RFX2: variants seen among roughly 807,000 people sequenced by gnomAD.
RFX2 encodes regulatory factor X2.
RFX2 carries 20 observed loss-of-function variants against 87.8 expected under a neutral mutation model. The ratio of observed to expected loss-of-function variants is 0.23; its 90% confidence interval spans 0.16 to 0.33. RFX2 has a LOEUF of 0.33. RFX2 is among the 10% of genes least tolerant of loss of function. RFX2 has a pLI of 1.00. For synonymous variants in RFX2, 397 were observed against 431.3 expected, an observed-to-expected ratio of 0.92 and a Z score of 0.98; for missense variants, 767 against 1,012.3, an observed-to-expected ratio of 0.76 and a Z score of 3.29.
chr19:6,057,837 C>T (rs1226550360), intron 1 of RFX2, among the ~76,000 whole-genome samples: 1 of 152,150 alleles, frequency 6.6e-6, no homozygotes, highest in Non-Finnish European at 1.5e-5. Flanking sequence ...CATTAGGCTG[C>T]CCAGAAAAGT....
rs892632447 is a variant in RFX2, at chr19:6,017,665, C to T, written c.598-1394G>A. The stretch of plus-strand genomic sequence containing the variant: ...CAGCTGCTTTGTCTAGGCTGAGCCC[C>T]GCTTCCAGAGCTCCGAAGGGCTCCT... On this transcript the variant is annotated intron_variant, in intron 6 of 17. Coordinates refer to ENST00000303657, the MANE Select transcript of RFX2 (RefSeq NM_000635.4). This position sits in a 1 kb window ranked among gnomAD's most constrained non-coding sequence, Gnocchi z 4.1. Among the ~76,000 whole-genome samples the T allele has an allele frequency of 1.3e-5, 2 of 152,166 alleles. No individual in the cohort carries two copies. Among genetic ancestry groups the T allele is most frequent in the African/African-American group, 4.8e-5 (2 of 41,444 alleles).
In RFX2 at chr19:6,004,379, G is replaced by T; in HGVS notation, c.1403-81C>A. 8.6e-7 allele frequency: 1 copy of T among 1,161,518 alleles called. No individual in the cohort carries two copies. Among genetic ancestry groups the T allele is most frequent in the Non-Finnish European group, 1.3e-6 (1 of 770,650 alleles). The allele number at this position is 1,161,518 out of a possible 1,614,324, so 72.0% of individuals were successfully genotyped here. A position where few individuals can be genotyped will look rare whatever the true frequency, so the allele number is the denominator to read the frequency against. On this transcript the variant is annotated intron_variant, in intron 12 of 17. Coordinates refer to ENST00000303657, the MANE Select transcript of RFX2 (RefSeq NM_000635.4). The surrounding 1 kb of genome is among the most constrained non-coding windows in gnomAD (Gnocchi z 4.8). The stretch of plus-strand genomic sequence containing the variant: ...AAATCAGCATTCAGTGTAAGAGCTG[G>T]CCCAAGTGCGATGAAAATGACCACC...
At chr19:6,090,413 G>A (rs1226985814) in intron 1 of RFX2, among the ~76,000 whole-genome samples, 3 of 149,490 alleles carry the variant, frequency 2.0e-5, no homozygotes, top group African/African-American at 7.4e-5. Flanking sequence ...CCAAAGAAGA[G>A]CTATAGACAG....
chr19:6,091,461 A>C (rs2087934135), intron 1 of RFX2, among the ~76,000 whole-genome samples: 1 of 152,052 alleles, frequency 6.6e-6, no homozygotes, highest in Non-Finnish European at 1.5e-5. Context: ...AAAAAAAAAA[A>C]AGGTGAATTG....
At chr19:6,042,246 C>T (rs914940654) in intron 3 of RFX2, 123 bp from the exon 4 acceptor site, 17 of 826,338 alleles carry the variant, frequency 2.1e-5, no homozygotes, top group South Asian at 1.6e-4. Flanking sequence ...ACAATGTTCC[C>T]GCCCACAGTC....
intron 3 of RFX2, among the ~76,000 whole-genome samples, chr19:6,042,960 G>A (rs892395436): frequency 2.6e-5 from 4 of 152,254 alleles, no homozygotes; most frequent in Non-Finnish European, 2.9e-5. Flanking sequence ...GTGTCATGGT[G>A]TCATGGTGAC....
rs2088286358 is a variant in RFX2, at chr19:6,110,329, CG to C, written c.-9+63del. On this transcript the variant is annotated intron_variant, in intron 1 of 17. Transcript: ENST00000303657. This position sits in a 1 kb window ranked among gnomAD's most constrained non-coding sequence, Gnocchi z 4.3. ...TGCTGCCCGCCCCCCGGCCCCCGAACGGGGTCCCCGCCGCCCCCCACACTCC... is the reference window on the plus strand; with the variant it reads ...TGCTGCCCGCCCCCCGGCCCCCGAACGGGTCCCCGCCGCCCCCCACACTCC... The C allele has an allele frequency of 6.7e-6, 1 of 149,432 alleles. No individual in the cohort carries two copies. Among genetic ancestry groups the C allele is most frequent in the Admixed American group, 6.6e-5 (1 of 15,044 alleles). The allele number at this position is 149,432 out of a possible 1,614,324, so 9.3% of individuals were successfully genotyped here.
rs1169561221 is a variant in RFX2 at position 6,024,027 on chromosome 19, G to T, written c.597+2136C>A. ...ACTCCTGACCTCAAGTGGTACACCC[G>T]CCTTGGTCTCCCAAACTGCTGGGAT... On this transcript the variant is annotated intron_variant, in intron 6 of 17. Coordinates refer to ENST00000303657, the MANE Select transcript of RFX2 (RefSeq NM_000635.4). This position sits in a 1 kb window ranked among gnomAD's most constrained non-coding sequence, Gnocchi z 5.0. 6.6e-6 allele frequency among the ~76,000 whole-genome samples: 1 copy of T among 152,126 alleles called. No individual in the cohort carries two copies. The highest frequency in any genetic ancestry group is 2.4e-5 in the African/African-American group (1 of 41,438).
In RFX2 at chr19:6,042,058, G is replaced by A; in HGVS notation, c.246C>T (p.Tyr82=). The change falls in exon 4 of 18, where the codon TAC becomes TAT. Residue 82 remains tyrosine, a synonymous_variant. Coordinates refer to ENST00000303657, the MANE Select transcript of RFX2 (RefSeq NM_000635.4). ...VQYVEGGDAV[Y]TNGAIRTAYT... ...GAAGCACGCACATGGCTCCATTGGTGTAGACGGCGTCTCCCCCTTCCACGT... is the reference window on the plus strand; with the variant it reads ...GAAGCACGCACATGGCTCCATTGGTATAGACGGCGTCTCCCCCTTCCACGT... 1 of 1,613,946 alleles carries A rather than the reference G, an allele frequency of 6.2e-7. No individual in the cohort carries two copies. Among genetic ancestry groups the A allele is most frequent in the South Asian group, 1.1e-5 (1 of 91,090 alleles).
In RFX2 at chr19:6,002,649, C is replaced by T. The variant is rs563373712; in HGVS notation, c.1650+72G>A. 6 of 1,577,724 alleles carry T rather than the reference C, an allele frequency of 3.8e-6. No homozygotes were observed. Among genetic ancestry groups the T allele is most frequent in the South Asian group, 2.3e-5 (2 of 87,960 alleles). ...AGGGGCCAGGTTGTGCCACGGGCTC[C>T]ACTTGGTGGGTTTGCTGGTTTTGCT... On this transcript the variant is annotated intron_variant, in intron 14 of 17. Transcript: ENST00000303657. The surrounding 1 kb of genome is among the most constrained non-coding windows in gnomAD (Gnocchi z 6.7).
At position 5,997,297 on chromosome 19, in the gene RFX2, C is replaced by T; in HGVS notation, c.1860-84G>A. On this transcript the variant is annotated intron_variant, in intron 15 of 17. Coordinates refer to ENST00000303657, the MANE Select transcript of RFX2 (RefSeq NM_000635.4). The surrounding 1 kb of genome is among the most constrained non-coding windows in gnomAD (Gnocchi z 4.2). Reference sequence around the variant, plus strand: ...GGCCAGACTTCATGGCAGCAACACACCCCCTGCTCTACGTTCCCTGGGGAA... The same window carrying T: ...GGCCAGACTTCATGGCAGCAACACATCCCCTGCTCTACGTTCCCTGGGGAA... The T allele has an allele frequency of 3.6e-6, 5 of 1,394,706 alleles. No homozygotes were observed. Among genetic ancestry groups the T allele is most frequent in the Non-Finnish European group, 4.8e-6 (5 of 1,047,134 alleles). The allele number at this position is 1,394,706 out of a possible 1,614,324, so 86.4% of individuals were successfully genotyped here.
chr19:6,076,245 G>A (rs1254055986), intron 1 of RFX2, among the ~76,000 whole-genome samples: 5 of 152,224 alleles, frequency 3.3e-5, no homozygotes, highest in African/African-American at 1.2e-4. Flanking sequence ...TTGGGAGGCT[G>A]AGGCAGGAGA....
chr19:6,066,000 C>T (rs1404399156), intron 1 of RFX2, among the ~76,000 whole-genome samples: 1 of 40,222 alleles, frequency 2.5e-5, no homozygotes, highest in Non-Finnish European at 5.0e-5. Context: ...GGGCTGGGGG[C>T]GGGGCTGGGA....
At chr19:6,106,230 CCCATCCATCCAT>C (rs56665747) in intron 1 of RFX2, among the ~76,000 whole-genome samples, 3 of 149,960 alleles carry the variant, frequency 2.0e-5, no homozygotes, top group Non-Finnish European at 4.4e-5. Flanking sequence ...CATCGGCCTG[CCCATCCATCCAT>C]CCATCCATCC....
At chr19:6,053,217 T>C (rs2087287916) in intron 1 of RFX2, among the ~76,000 whole-genome samples, 1 of 152,196 alleles carries the variant, frequency 6.6e-6, no homozygotes, top group Non-Finnish European at 1.5e-5. Context: ...TTTAAACACA[T>C]ACTATGAAGT....
At chr19:6,099,652 G>T (rs1160425175) in intron 1 of RFX2, among the ~76,000 whole-genome samples, 1 of 152,134 alleles carries the variant, frequency 6.6e-6, no homozygotes, top group South Asian at 2.1e-4. Flanking sequence ...TGTGGGAACT[G>T]TGGCAGGGGT....
In RFX2 at chr19:6,064,599, C is replaced by A. The variant is rs371321104; in HGVS notation, c.-8-17095G>T. Among the ~76,000 whole-genome samples, 1 of 152,226 alleles carries A rather than the reference C, an allele frequency of 6.6e-6. No individual in the cohort carries two copies. Among genetic ancestry groups the A allele is most frequent in the Non-Finnish European group, 1.5e-5 (1 of 68,036 alleles). On this transcript the variant is annotated intron_variant, in intron 1 of 17. Transcript: ENST00000303657. The surrounding 1 kb of genome is among the most constrained non-coding windows in gnomAD (Gnocchi z 4.8). ...AGCCTGGTGACCTGACCCGGCAGCA[C>A]GCCCACTGGGCACCTGTGCCCACCT...
intron 1 of RFX2, among the ~76,000 whole-genome samples, chr19:6,082,423 G>A (rs2087798463): frequency 6.6e-6 from 1 of 152,060 alleles, no homozygotes; most frequent in African/African-American, 2.4e-5. Context: ...ATGTCTATCA[G>A]GGGTTGGAAA....
chr19:6,093,396 G>A (rs1290512737), intron 1 of RFX2, among the ~76,000 whole-genome samples: 5 of 152,116 alleles, frequency 3.3e-5, no homozygotes, highest in South Asian at 2.1e-4. Context: ...TTTGCCGGGC[G>A]TGGTGGCACA....
Sources: allele counts gnomAD v4.1 joint callset (sites outside exome capture counted in the v4.1 genomes callset), GRCh38; gene constraint gnomAD v4.1.1; non-coding constraint Gnocchi (gnomAD v3.1); transcripts MANE v1.5; gene names NCBI Gene and HGNC (gene_info 2026-07-23, HGNC 2026-07-21).